The following LSM5 variants were observed in gnomAD, a reference collection of about 807,000 sequenced individuals.
The protein encoded by LSM5 is U6 snRNA-associated Sm-like protein LSm5.
LSM5 carries 8 observed loss-of-function variants against 13.8 expected under a neutral mutation model. That is an observed-to-expected ratio of 0.58 (90% confidence interval 0.34 to 1.04). LSM5 has a LOEUF of 1.04. Ranked by LOEUF, LSM5 falls within the 50% of genes least tolerant of loss-of-function variation. LSM5 has a pLI of 0.03. For synonymous variants in LSM5, 35 were observed against 37.0 expected, an observed-to-expected ratio of 0.95 and a Z score of 0.20; for missense variants, 80 against 108.1, an observed-to-expected ratio of 0.74 and a Z score of 1.15.
rs1242989846 is a variant in LSM5 at position 32,487,740 on chromosome 7, C to A, written c.188G>T (p.Gly63Val). 6.7e-7 allele frequency: 1 copy of A among 1,503,406 alleles called. No individual in the cohort carries two copies. Among genetic ancestry groups the A allele is most frequent in the African/African-American group, 1.4e-5 (1 of 72,826 alleles). 93.1% of individuals were successfully genotyped at this position (1,503,406 alleles called of 1,614,324 possible). ...DVTEFEITPE[G>V]RRITKLDQIL... is the part of the protein sequence containing the mutation. ...CTGATCTAATTTAGTAATCCTTCTT[C>A]CTTCTGGTGTGATTTCACTAAATGA... The change falls in exon 4 of 5, where the codon GGA becomes GTA. Residue 63 changes from glycine (G) to valine (V), a missense_variant. Physicochemically the swap from Gly to Val is moderately radical, Grantham distance 109. Transcript: ENST00000450169.
At chr7:32,489,375 T>TC in intron 1 of LSM5, 31 bp from the exon 2 acceptor site, 1 of 1,263,032 alleles carries the variant, frequency 7.9e-7, no homozygotes. Context: ...ATTTTACCAT[T>TC]CATTATTTCA....
At chr7:32,489,488 A>C in intron 1 of LSM5, 144 bp from the exon 2 acceptor site, 1 of 611,766 alleles carries the variant, frequency 1.6e-6, no homozygotes, top group Non-Finnish European at 2.9e-6. Flanking sequence ...TACAAATCTC[A>C]GTTCAAGCAC....
intron 1 of LSM5, chr7:32,489,988 G>A (rs964795343): frequency 6.3e-6 from 8 of 1,266,320 alleles, no homozygotes; most frequent in Non-Finnish European, 7.1e-6. Flanking sequence ...TCTAATCTGG[G>A]GATCGTAAAC....
At position 32,487,342 on chromosome 7, in the gene LSM5, T is replaced by C. The variant is rs76070926; in HGVS notation, c.244-49A>G. On this transcript the variant is annotated intron_variant, in intron 4 of 4. Transcript: ENST00000450169. ...TATTAATAACACTACCACCATGTCA[T>C]CTAAAAACCCCTTGCTCTTCATTAA... 1.2e-3 allele frequency: 1,863 copies of C among 1,533,308 alleles called. 16 individuals carry two copies. In the African/African-American group the frequency reaches 0.02, roughly 17 times the overall value. The allele number at this position is 1,533,308 out of a possible 1,614,324, so 95.0% of individuals were successfully genotyped here. A position where few individuals can be genotyped will look rare whatever the true frequency, so the allele number is the denominator to read the frequency against.
chr7:32,492,168 C>T (rs1198082177), upstream of LSM5, among the ~76,000 whole-genome samples: 1 of 152,078 alleles, frequency 6.6e-6, no homozygotes, highest in African/African-American at 2.4e-5. Context: ...TTTATTTTCC[C>T]CATACCATAC....
chr7:32,490,591 C>T (rs914760236), upstream of LSM5: 1 of 573,508 alleles, frequency 1.7e-6, no homozygotes, highest in South Asian at 2.0e-5. Flanking sequence ...CCCATAATGC[C>T]CTTGAAGTTT....
upstream of LSM5, among the ~76,000 whole-genome samples, chr7:32,493,456 A>G (rs562663843): frequency 6.6e-6 from 1 of 151,802 alleles, no homozygotes; most frequent in Non-Finnish European, 1.5e-5. Context: ...CTGTGTATTT[A>G]GAGATGAAAA....
chr7:32,493,566 G>A (rs1166079425), upstream of LSM5, among the ~76,000 whole-genome samples: 1 of 151,852 alleles, frequency 6.6e-6, no homozygotes, highest in South Asian at 2.1e-4. Context: ...TTGAGATGGA[G>A]TCTCATTCTG....
At position 32,489,195 on chromosome 7, in the gene LSM5, C is replaced by G. The variant is rs190661177; in HGVS notation, c.142+54G>C. The G allele has an allele frequency of 3.8e-5, 32 of 840,170 alleles. No individual in the cohort carries two copies. In the East Asian group the frequency reaches 7.1e-4, roughly 19 times the overall value. The allele number at this position is 840,170 out of a possible 1,614,324, so 52.0% of individuals were successfully genotyped here. ...ACAAATATACTGATTGTCTATAGTT[C>G]TTATGTTATTACTTAAGAAAAACCT... is the stretch of plus-strand genomic sequence containing the variant. On this transcript the variant is annotated intron_variant, in intron 2 of 4. Transcript: ENST00000450169.
At position 32,490,359 on chromosome 7, in the gene LSM5, C is replaced by T. The variant is rs1346269564; in HGVS notation, c.7G>A (p.Ala3Thr). The T allele has an allele frequency of 3.1e-6, 5 of 1,613,760 alleles. No homozygotes were observed. The South Asian group carries it at 4.4e-5, about 14-fold the overall frequency. Residue 3 changes from alanine to threonine, a missense_variant, in exon 1 of 5, where the codon GCT (alanine) becomes ACT (threonine). Physicochemically the swap from Ala to Thr is moderately conservative, Grantham distance 58. Coordinates refer to ENST00000450169, the MANE Select transcript of LSM5 (RefSeq NM_012322.3). ...TGCGACGGGTTGGTAGTAGCGTTAG[C>T]CGCCATGGCTACGCCGGAAGTGGCC... Reference protein sequence around the residue: MAANATTNPSQLL... With the variant: MATNATTNPSQLL...
chr7:32,487,459 T>C (rs997844960), intron 4 of LSM5, 166 bp from the exon 5 acceptor site: 1 of 675,244 alleles, frequency 1.5e-6, no homozygotes, highest in East Asian at 2.7e-5. Flanking sequence ...AATTAATACT[T>C]ACTATCTCAA....
rs1583462833 is a variant in LSM5, at chr7:32,488,653, C to A, written c.143-1G>T. ...TCAGTGACATCTTCCAGTACCATATCTGAAATTTGGTGTTAAGAAAATAAA... is the reference window on the plus strand; with the variant it reads ...TCAGTGACATCTTCCAGTACCATATATGAAATTTGGTGTTAAGAAAATAAA... On this transcript the variant is annotated splice_acceptor_variant, in intron 2 of 4. Coordinates refer to ENST00000450169, the MANE Select transcript of LSM5 (RefSeq NM_012322.3). LOFTEE classifies it high-confidence loss of function. The A allele has an allele frequency of 1.3e-6, 2 of 1,590,590 alleles. No individual in the cohort carries two copies. The highest frequency in any genetic ancestry group is 1.7e-6 in the Non-Finnish European group (2 of 1,159,208).
rs1349207874 is a variant in LSM5 at position 32,487,002 on chromosome 7, C to G, written c.*259G>C. On this transcript the variant is annotated 3_prime_UTR_variant, in exon 5 of 5. Transcript: ENST00000450169. Reference sequence around the variant, plus strand: ...CAAAATAACTACAAACTTTGTTCCACTGGCTACTGCAGTAGAATAAACAAA... The same window carrying G: ...CAAAATAACTACAAACTTTGTTCCAGTGGCTACTGCAGTAGAATAAACAAA... The G allele has an allele frequency of 4.2e-6, 2 of 477,046 alleles. No individual in the cohort carries two copies. The highest frequency in any genetic ancestry group is 7.3e-6 in the Non-Finnish European group (2 of 273,070). 29.6% of individuals were successfully genotyped at this position (477,046 alleles called of 1,614,324 possible).
At chr7:32,490,502 T>C, upstream of LSM5, 2 of 677,212 alleles carry the variant, frequency 3.0e-6, no homozygotes, top group Non-Finnish European at 5.3e-6. Flanking sequence ...TGGGTCGCGT[T>C]CACTGGCTTT....
At chr7:32,491,620 G>A (rs1054194128), upstream of LSM5, among the ~76,000 whole-genome samples, 2 of 152,122 alleles carry the variant, frequency 1.3e-5, no homozygotes, top group South Asian at 4.1e-4. Flanking sequence ...CAATGGGCAA[G>A]TTATTTTAAC....
chr7:32,487,336 A>G (rs755319221), intron 4 of LSM5, 43 bp from the exon 5 acceptor site: 3 of 1,570,846 alleles, frequency 1.9e-6, no homozygotes, highest in South Asian at 2.2e-5. Context: ...CACTACCACC[A>G]TGTCATCTAA....
intron 1 of LSM5, chr7:32,490,114 G>A (rs1261368852): frequency 6.5e-7 from 1 of 1,529,658 alleles, no homozygotes; most frequent in African/African-American, 1.4e-5. Context: ...TCTGGTTTGA[G>A]AAGTCAAAGT....
At chr7:32,487,382 T>TAAAAA in intron 4 of LSM5, 89 bp from the exon 5 acceptor site, 1 of 982,116 alleles carries the variant, frequency 1.0e-6, no homozygotes, top group Non-Finnish European at 1.6e-6. Context: ...CCTTTGCCTG[T>TAAAAA]CCCCTGCACT....
chr7:32,490,285 C>T, intron 1 of LSM5, 35 bp downstream of exon 1: 3 of 1,614,226 alleles, frequency 1.9e-6, no homozygotes, highest in Admixed American at 1.7e-5. Flanking sequence ...TGAATGTCAG[C>T]TCCCTGTTCC....
Sources: gnomAD v4.1 joint callset for allele counts (sites outside exome capture counted in the v4.1 genomes callset) on GRCh38, gnomAD v4.1.1 for gene constraint, MANE v1.5 for transcripts, NCBI Gene and HGNC (gene_info 2026-07-23, HGNC 2026-07-21) for gene names.